LRMDA: variants seen among roughly 807,000 people sequenced by gnomAD.
LRMDA encodes the protein leucine rich melanocyte differentiation associated.
Under a neutral mutation model 29.8 loss-of-function variants are expected in LRMDA, and 18 were observed. That is an observed-to-expected ratio of 0.60 (90% CI 0.42 to 0.90). The LOEUF (loss-of-function observed/expected upper bound fraction) is 0.90. Among genes scored for constraint, LRMDA ranks in the 40% least tolerant of loss-of-function variants. LRMDA has a pLI of 0.00. For synonymous variants in LRMDA, 125 were observed against 109.4 expected, an observed-to-expected ratio of 1.14 and a Z score of -0.89; for missense variants, 273 against 273.9, an observed-to-expected ratio of 1.00 and a Z score of 0.02.
intron 2 of LRMDA, among the ~76,000 whole-genome samples, chr10:75,502,909 C>T (rs921452093): frequency 6.6e-6 from 1 of 152,158 alleles, no homozygotes; most frequent in African/African-American, 2.4e-5. Context: ...GTAGAGGCAA[C>T]CTTTTCTTCT....
At chr10:75,725,323 T>C (rs113246810) in intron 2 of LRMDA, among the ~76,000 whole-genome samples, 1 of 152,296 alleles carries the variant, frequency 6.6e-6, no homozygotes, top group African/African-American at 2.4e-5. Context: ...TACAGGGTAA[T>C]AAGTTTGCTC....
chr10:76,382,529 G>C (rs2132473158), intron 6 of LRMDA, among the ~76,000 whole-genome samples: 1 of 152,338 alleles, frequency 6.6e-6, no homozygotes, highest in South Asian at 2.1e-4. Context: ...TGAATGAAGG[G>C]AGAGGTGCTG....
chr10:76,090,674 C>G (rs966140127), intron 5 of LRMDA, among the ~76,000 whole-genome samples: 5 of 152,120 alleles, frequency 3.3e-5, no homozygotes, highest in African/African-American at 1.2e-4. Context: ...TCAGTATATT[C>G]AGTGGAATAT....
At chr10:76,383,029 C>G (rs1841611943) in intron 6 of LRMDA, among the ~76,000 whole-genome samples, 1 of 152,202 alleles carries the variant, frequency 6.6e-6, no homozygotes. Context: ...AGTCACTGCA[C>G]TAACCATTGT....
chr10:76,139,328 C>T (rs993730363), intron 5 of LRMDA, among the ~76,000 whole-genome samples: 1 of 152,122 alleles, frequency 6.6e-6, no homozygotes, highest in Non-Finnish European at 1.5e-5. Flanking sequence ...ACTTCAACTA[C>T]ATCATATTTA....
At chr10:75,772,314 ATGT>A (rs1843251408) in intron 2 of LRMDA, among the ~76,000 whole-genome samples, 5 of 152,146 alleles carry the variant, frequency 3.3e-5, no homozygotes, top group African/African-American at 9.7e-5. Context: ...GTCTTATAAA[ATGT>A]TGTTATTGAC....
chr10:75,949,814 C>T (rs1376702004), intron 2 of LRMDA, among the ~76,000 whole-genome samples: 1 of 152,156 alleles, frequency 6.6e-6, no homozygotes, highest in African/African-American at 2.4e-5. Context: ...GTACCAAGAG[C>T]ACCAGTTCTC....
chr10:76,202,134 T>C (rs1043958399), intron 5 of LRMDA, among the ~76,000 whole-genome samples: 2 of 152,192 alleles, frequency 1.3e-5, no homozygotes, highest in Non-Finnish European at 2.9e-5. Flanking sequence ...TACTTTTTTA[T>C]TGCTCAAAGC....
chr10:76,528,405 T>A (rs2132370716), intron 6 of LRMDA, among the ~76,000 whole-genome samples: 1 of 152,206 alleles, frequency 6.6e-6, no homozygotes, highest in Non-Finnish European at 1.5e-5. Flanking sequence ...TGGATATATA[T>A]GAATGCATCC....
At chr10:75,647,839 T>A (rs1841542616) in intron 2 of LRMDA, among the ~76,000 whole-genome samples, 1 of 152,112 alleles carries the variant, frequency 6.6e-6, no homozygotes, top group African/African-American at 2.4e-5. Flanking sequence ...TCTTAGTCTC[T>A]CTCTGGTCCC....
chr10:76,510,911 A>G (rs1211017278), intron 6 of LRMDA, among the ~76,000 whole-genome samples: 1 of 152,194 alleles, frequency 6.6e-6, no homozygotes, highest in Non-Finnish European at 1.5e-5. Context: ...AGTTTCTTAT[A>G]ACTATTAAAC....
At chr10:76,478,956 G>C (rs1020037594) in intron 6 of LRMDA, among the ~76,000 whole-genome samples, 1 of 151,614 alleles carries the variant, frequency 6.6e-6, no homozygotes, top group Non-Finnish European at 1.5e-5. Context: ...TAAATGACTA[G>C]TTAATGGGTG....
At chr10:75,468,823 A>G (rs1239265236) in intron 2 of LRMDA, among the ~76,000 whole-genome samples, 1 of 151,982 alleles carries the variant, frequency 6.6e-6, no homozygotes, top group Non-Finnish European at 1.5e-5. Context: ...TCTCTTGCAC[A>G]AAGGCTTCGT....
intron 2 of LRMDA, among the ~76,000 whole-genome samples, chr10:75,881,232 T>C (rs981774098): frequency 1.3e-5 from 2 of 152,082 alleles, no homozygotes; most frequent in African/African-American, 4.8e-5. Flanking sequence ...GATTTGATGG[T>C]AAGGAAAAGT....
chr10:76,510,367 AG>A (rs1450420215), intron 6 of LRMDA, among the ~76,000 whole-genome samples: 4 of 152,046 alleles, frequency 2.6e-5, no homozygotes, highest in African/African-American at 7.2e-5. Flanking sequence ...CACCACCCCC[AG>A]CCGCCCTAAT....
chr10:75,578,235 A>AAAAAAAAAAAAAAAAAAAC (rs1840535665), intron 2 of LRMDA, among the ~76,000 whole-genome samples: 1 of 148,108 alleles, frequency 6.8e-6, no homozygotes, highest in African/African-American at 2.4e-5. Context: ...AAAAAAAAAA[A>AAAAAAAAAAAAAAAAAAAC]AAAAGCAGCA....
chr10:76,417,694 T>A (rs1907346), intron 6 of LRMDA, among the ~76,000 whole-genome samples: 13,825 of 152,268 alleles, frequency 0.091, 756 homozygotes, highest in Admixed American at 0.16. Flanking sequence ...TCCAAAATAT[T>A]GGAGTTCAAT....
intron 1 of LRMDA, among the ~76,000 whole-genome samples, chr10:75,432,727 G>A (rs1589142842): frequency 6.6e-6 from 1 of 152,258 alleles, no homozygotes; most frequent in Non-Finnish European, 1.5e-5. Context: ...TTCCTCCTTA[G>A]AGGAGATTCT....
At chr10:75,779,329 C>T (rs954587549) in intron 2 of LRMDA, among the ~76,000 whole-genome samples, 1 of 152,182 alleles carries the variant, frequency 6.6e-6, no homozygotes, top group Non-Finnish European at 1.5e-5. Context: ...ACATTCTCCT[C>T]TGGGACCAGT....
Sources: gnomAD v4.1 joint callset for allele counts (sites outside exome capture counted in the v4.1 genomes callset) on GRCh38, gnomAD v4.1.1 for gene constraint, MANE v1.5 for transcripts, NCBI Gene and HGNC (gene_info 2026-07-23, HGNC 2026-07-21) for gene names.